Variants in RAB7A observed in about 807,000 individuals in gnomAD.
RAB7A encodes the protein ras-related protein Rab-7a.
A neutral mutation model predicts 24.5 loss-of-function variants in RAB7A; 2 were observed. That is an observed-to-expected ratio of 0.08 (90% CI 0.03 to 0.26). RAB7A has a LOEUF of 0.26. RAB7A is among the 10% of genes least tolerant of loss of function. RAB7A has a pLI of 1.00. For missense variants in RAB7A, 118 were observed against 255.7 expected (o/e 0.46, Z 3.67); for synonymous variants, 100 against 95.9 (o/e 1.04, Z -0.25).
chr3:128,735,760 T>TG (rs2070484766), intron 1 of RAB7A, among the ~76,000 whole-genome samples: 1 of 152,220 alleles, frequency 6.6e-6, no homozygotes, highest in Admixed American at 6.5e-5. Context: ...ACTGGTTAAA[T>TG]GCCTGAGATA....
chr3:128,767,536 A>G (rs1164098258), intron 1 of RAB7A, among the ~76,000 whole-genome samples: 1 of 152,206 alleles, frequency 6.6e-6, no homozygotes, highest in African/African-American at 2.4e-5. Flanking sequence ...TAAAGAGGTT[A>G]GGGAAAGATT....
At chr3:128,798,563 G>A (rs550501878) in intron 3 of RAB7A, 2 of 170,408 alleles carry the variant, frequency 1.2e-5, no homozygotes, top group East Asian at 1.7e-4. Context: ...TCTTTCAAGG[G>A]TTCCCTTTCA....
intron 1 of RAB7A, among the ~76,000 whole-genome samples, chr3:128,750,887 A>G (rs1426902429): frequency 6.6e-6 from 1 of 152,178 alleles, no homozygotes; most frequent in Admixed American, 6.5e-5. Context: ...GGTTTGTGCA[A>G]ACTGGGGACT....
At position 128,726,290 on chromosome 3, in the gene RAB7A, C is replaced by T. The variant is rs965470898; in HGVS notation, c.-78C>T. The T allele has an allele frequency of 6.6e-6, 1 of 152,530 alleles. No homozygotes were observed. The highest frequency in any genetic ancestry group is 2.4e-5 in the African/African-American group (1 of 41,458). The allele number at this position is 152,530 out of a possible 1,614,324, so 9.4% of individuals were successfully genotyped here. A position where few individuals can be genotyped will look rare whatever the true frequency, so the allele number is the denominator to read the frequency against. ...CTTGGACCTTCTCGCTTCTGTCCTC[C>T]GTTTAGTCTCCTCCTCGGCGGGAGC... On this transcript the variant is annotated 5_prime_UTR_variant, in exon 1 of 6. Coordinates refer to ENST00000265062, the MANE Select transcript of RAB7A (RefSeq NM_004637.6).
intron 1 of RAB7A, among the ~76,000 whole-genome samples, chr3:128,776,971 C>T (rs1053022903): frequency 6.6e-6 from 1 of 151,896 alleles, no homozygotes; most frequent in Non-Finnish European, 1.5e-5. Flanking sequence ...CACACACACA[C>T]ACACACACAC....
At chr3:128,756,138 C>T (rs2070727496) in intron 1 of RAB7A, among the ~76,000 whole-genome samples, 2 of 152,046 alleles carry the variant, frequency 1.3e-5, no homozygotes, top group African/African-American at 4.8e-5. Context: ...AAGTTCGATA[C>T]CAGCCTGACC....
At chr3:128,777,636 A>G (rs1426240977) in intron 1 of RAB7A, among the ~76,000 whole-genome samples, 3 of 152,226 alleles carry the variant, frequency 2.0e-5, no homozygotes, top group African/African-American at 7.2e-5. Flanking sequence ...ACTTTGTGTT[A>G]CACAGAATTG....
intron 1 of RAB7A, among the ~76,000 whole-genome samples, chr3:128,793,405 G>A (rs1301978948): frequency 2.6e-5 from 4 of 151,208 alleles, no homozygotes; most frequent in Non-Finnish European, 5.9e-5. Flanking sequence ...CACCCACCTC[G>A]GGCCTCCCAA....
intron 1 of RAB7A, among the ~76,000 whole-genome samples, chr3:128,738,858 A>G (rs1361006279): frequency 1.3e-5 from 2 of 152,228 alleles, no homozygotes; most frequent in East Asian, 3.8e-4. Flanking sequence ...AATTCTTCAC[A>G]TTGTTTGAAA....
intron 1 of RAB7A, among the ~76,000 whole-genome samples, chr3:128,750,598 G>A (rs1438177590): frequency 6.6e-6 from 1 of 152,154 alleles, no homozygotes; most frequent in East Asian, 1.9e-4. Flanking sequence ...GCATTCAAGA[G>A]GTGATTTGGG....
At chr3:128,764,516 C>T in intron 1 of RAB7A, 1 of 846,720 alleles carries the variant, frequency 1.2e-6, no homozygotes, top group Non-Finnish European at 2.0e-6. Context: ...AAGATATATT[C>T]TGCCAAGCCA....
intron 1 of RAB7A, among the ~76,000 whole-genome samples, chr3:128,728,682 G>C (rs577366390): frequency 6.6e-6 from 1 of 152,042 alleles, no homozygotes; most frequent in Non-Finnish European, 1.5e-5. Context: ...GGCTGGTCTC[G>C]AACTGCCTAC....
intron 1 of RAB7A, among the ~76,000 whole-genome samples, chr3:128,792,692 G>A (rs977692443): frequency 6.6e-6 from 1 of 150,376 alleles, no homozygotes; most frequent in Non-Finnish European, 1.5e-5. Flanking sequence ...ACAGGTGTGA[G>A]CCACCACACC....
chr3:128,795,450 A>T, intron 2 of RAB7A, 30 bp downstream of exon 2: 1 of 1,592,326 alleles, frequency 6.3e-7, no homozygotes, highest in Non-Finnish European at 8.6e-7. Flanking sequence ...GAGCTAACAG[A>T]TTGGCTTAGA....
At chr3:128,777,414 C>T (rs1353429013) in intron 1 of RAB7A, among the ~76,000 whole-genome samples, 3 of 152,100 alleles carry the variant, frequency 2.0e-5, no homozygotes, top group Non-Finnish European at 4.4e-5. Flanking sequence ...GTGGCCCAGG[C>T]TGTTCTTAAA....
At position 128,812,102 on chromosome 3, in the gene RAB7A, A is replaced by G. The variant is rs890875525; in HGVS notation, c.529-1225A>G. ...GATGGCTGCCCAACTTTCTGAATAT[A>G]CTAAAAACCATTGAATTGTACACTT... On this transcript the variant is annotated intron_variant, in intron 5 of 5. Coordinates refer to ENST00000265062, the MANE Select transcript of RAB7A (RefSeq NM_004637.6). 3.3e-5 allele frequency among the ~76,000 whole-genome samples: 5 copies of G among 152,112 alleles called. No individual in the cohort carries two copies. The East Asian group carries it at 5.8e-4, about 18-fold the overall frequency.
intron 1 of RAB7A, among the ~76,000 whole-genome samples, chr3:128,740,963 TACTA>T (rs1003081484): frequency 1.5e-4 from 18 of 122,990 alleles, no homozygotes; most frequent in African/African-American, 2.8e-4. Flanking sequence ...ACTAGAAAAA[TACTA>T]ACTACTTTTT....
At chr3:128,784,946 A>ATT (rs11287809) in intron 1 of RAB7A, among the ~76,000 whole-genome samples, 4 of 135,366 alleles carry the variant, frequency 3.0e-5, no homozygotes, top group South Asian at 2.3e-4. Context: ...TCATGGCATG[A>ATT]TTTTTTTTTT....
chr3:128,795,021 G>A (rs1933536144), intron 1 of RAB7A, among the ~76,000 whole-genome samples: 4 of 152,054 alleles, frequency 2.6e-5, no homozygotes, highest in Admixed American at 2.6e-4. Flanking sequence ...CTGAAGCAGC[G>A]ACCTGAATGA....
Sources: gnomAD v4.1 joint callset for allele counts (sites outside exome capture counted in the v4.1 genomes callset) on GRCh38, gnomAD v4.1.1 for gene constraint, MANE v1.5 for transcripts, NCBI Gene and HGNC (gene_info 2026-07-23, HGNC 2026-07-21) for gene names.